Variants in AQP9 observed in about 807,000 individuals in gnomAD.
AQP9 encodes the protein aquaporin-9.
Under a neutral mutation model 23.8 loss-of-function variants are expected in AQP9, and 19 were observed. That is an observed-to-expected ratio of 0.80 (90% CI 0.56 to 1.17). The LOEUF is 1.17. Among genes scored for constraint, AQP9 ranks in the 50% most tolerant of loss-of-function variants. AQP9 has a pLI of 0.00. For missense variants in AQP9, 413 were observed against 362.0 expected, an observed-to-expected ratio of 1.14 and a Z score of -1.14; for synonymous variants, 153 against 131.5, an observed-to-expected ratio of 1.16 and a Z score of -1.12.
At chr15:58,182,516 G>T (rs576724550) in intron 5 of AQP9, among the ~76,000 whole-genome samples, 1 of 152,296 alleles carries the variant, frequency 6.6e-6, no homozygotes, top group South Asian at 2.1e-4. Flanking sequence ...ATGACAGGAA[G>T]AAATTTGCCA....
chr15:58,169,888 C>T (rs1898584359), intron 2 of AQP9, among the ~76,000 whole-genome samples: 1 of 152,126 alleles, frequency 6.6e-6, no homozygotes, highest in African/African-American at 2.4e-5. Flanking sequence ...GACTTGCTTT[C>T]ATTACAAAAT....
In AQP9 at chr15:58,147,076, T is replaced by C. The variant is rs111679400; in HGVS notation, c.111+8400T>C. Among the ~76,000 whole-genome samples, 280 of 152,334 alleles carry C rather than the reference T, an allele frequency of 1.8e-3. 1 individual carries two copies. The highest frequency in any genetic ancestry group is 5.9e-3 in the African/African-American group (244 of 41,572). ...AGGCGCTTGGGAGAAAAGTCCGTTC[T>C]GGATCACTGATCTAAGGGCTGCAGA... On this transcript the variant is annotated intron_variant, in intron 1 of 5. Coordinates refer to ENST00000219919, the MANE Select transcript of AQP9 (RefSeq NM_020980.5).
At chr15:58,167,311 A>G (rs1898531118) in intron 2 of AQP9, among the ~76,000 whole-genome samples, 1 of 152,208 alleles carries the variant, frequency 6.6e-6, no homozygotes, top group Admixed American at 6.5e-5. Flanking sequence ...AGCCATTCAC[A>G]TGGTTCTCAA....
chr15:58,168,210 T>G (rs556620645), intron 2 of AQP9, among the ~76,000 whole-genome samples: 74 of 151,924 alleles, frequency 4.9e-4, no homozygotes, highest in African/African-American at 1.7e-3. Flanking sequence ...TGTATTTTTT[T>G]TGTAGAGACA....
chr15:58,165,827 T>C lies in AQP9; in HGVS notation c.112-846T>C, dbSNP rs549105767. Among the ~76,000 whole-genome samples, 9 of 152,332 alleles carry C rather than the reference T, an allele frequency of 5.9e-5. No individual in the cohort carries two copies. The East Asian group carries it at 1.5e-3, about 26-fold the overall frequency. On this transcript the variant is annotated intron_variant, in intron 1 of 5. Coordinates refer to ENST00000219919, the MANE Select transcript of AQP9 (RefSeq NM_020980.5). ...CTATCATACTTCACTGTGCAACTGT[T>C]TGCAGAATGCTTACTATCAGCACAG...
At chr15:58,173,040 C>G in intron 2 of AQP9, 28 bp from the exon 3 acceptor site, 5 of 1,613,128 alleles carry the variant, frequency 3.1e-6, no homozygotes, top group Non-Finnish European at 4.2e-6. Context: ...CTAACCTGCC[C>G]TCTCACTTCT....
chr15:58,183,801 G>A (rs1898945880), intron 5 of AQP9, among the ~76,000 whole-genome samples, 160 bp from the exon 6 acceptor site: 1 of 152,170 alleles, frequency 6.6e-6, no homozygotes, highest in Non-Finnish European at 1.5e-5. Flanking sequence ...AGTCAAGGAT[G>A]GCAGTTGCCA....
At chr15:58,163,241 T>G (rs746090491) in intron 1 of AQP9, among the ~76,000 whole-genome samples, 1 of 152,188 alleles carries the variant, frequency 6.6e-6, no homozygotes, top group Admixed American at 6.5e-5. Flanking sequence ...ATCTCCTATA[T>G]GGTTTTGTGA....
In AQP9 at chr15:58,184,203, T is replaced by C. The variant is rs1490188636; in HGVS notation, c.*68T>C. The C allele has an allele frequency of 2.0e-5, 30 of 1,526,364 alleles. No homozygotes were observed. The highest frequency in any genetic ancestry group is 2.7e-5 in the Non-Finnish European group (30 of 1,118,144). 94.6% of individuals were successfully genotyped at this position (1,526,364 alleles called of 1,614,324 possible). A position where few individuals can be genotyped will look rare whatever the true frequency, so the allele number is the denominator to read the frequency against. ...TTCAGAAAGATGGCATCTAAGTGTC[T>C]GTGTTCTTGTAAGCCTGAGGTGGAA... On this transcript the variant is annotated 3_prime_UTR_variant, in exon 6 of 6. Coordinates refer to ENST00000219919, the MANE Select transcript of AQP9 (RefSeq NM_020980.5).
intron 1 of AQP9, among the ~76,000 whole-genome samples, chr15:58,150,085 T>C (rs567136040): frequency 2.2e-4 from 33 of 152,240 alleles, no homozygotes; most frequent in African/African-American, 7.2e-4. Flanking sequence ...GCTCCAAAGG[T>C]AAGTGAGACC....
intron 4 of AQP9, among the ~76,000 whole-genome samples, chr15:58,175,283 A>G (rs760483251): frequency 6.6e-6 from 1 of 152,250 alleles, no homozygotes; most frequent in Admixed American, 6.5e-5. Flanking sequence ...TCCAGAAAAG[A>G]GTGAATGACT....
intron 1 of AQP9, among the ~76,000 whole-genome samples, chr15:58,156,787 T>A (rs1308932001): frequency 6.6e-6 from 1 of 152,092 alleles, no homozygotes; most frequent in African/African-American, 2.4e-5. Context: ...AGGGAACAAA[T>A]CTCTAGGTTG....
chr15:58,159,750 A>G (rs1353706985), intron 1 of AQP9, among the ~76,000 whole-genome samples: 2 of 152,168 alleles, frequency 1.3e-5, no homozygotes, highest in African/African-American at 4.8e-5. Context: ...AAGTGAGAAC[A>G]TTTGATGTCT....
At chr15:58,155,580 A>G (rs1159775896) in intron 1 of AQP9, 4 of 152,160 alleles carry the variant, frequency 2.6e-5, no homozygotes, top group African/African-American at 9.7e-5. Flanking sequence ...GGATCTAATA[A>G]CCCTTCAGGG....
chr15:58,170,480 T>C (rs575316307), intron 2 of AQP9, among the ~76,000 whole-genome samples: 2 of 151,648 alleles, frequency 1.3e-5, no homozygotes, highest in African/African-American at 2.4e-5. Flanking sequence ...TCTCAGATCA[T>C]TGCAACCTCC....
chr15:58,166,955 C>T (rs1406305130), intron 2 of AQP9, among the ~76,000 whole-genome samples, 156 bp downstream of exon 2: 5 of 152,186 alleles, frequency 3.3e-5, no homozygotes, highest in African/African-American at 9.7e-5. Flanking sequence ...TTAAAATCAC[C>T]AACCAATGGT....
Position 58,149,035 on chromosome 15 carries a change from T to C in AQP9, c.111+10359T>C, listed in dbSNP as rs540146314. ...TTTAGCCAGAAGATCCAGGTTTCAG[T>C]CTTGGTTCTTTGTGACTGTTTTTGT... On this transcript the variant is annotated intron_variant, in intron 1 of 5. Transcript: ENST00000219919. Among the ~76,000 whole-genome samples the C allele has an allele frequency of 3.9e-5, 6 of 152,316 alleles. No homozygotes were observed. The East Asian group carries it at 1.2e-3, about 29-fold the overall frequency.
At chr15:58,143,896 C>T (rs567341709) in intron 1 of AQP9, among the ~76,000 whole-genome samples, 1 of 152,188 alleles carries the variant, frequency 6.6e-6, no homozygotes, top group Non-Finnish European at 1.5e-5. Flanking sequence ...GCATCCTCAA[C>T]TTTATGTGTA....
At chr15:58,182,426 C>T (rs1461170086) in intron 5 of AQP9, among the ~76,000 whole-genome samples, 2 of 152,088 alleles carry the variant, frequency 1.3e-5, no homozygotes, top group Non-Finnish European at 2.9e-5. Flanking sequence ...TACAACATGT[C>T]CAATCTGATA....
Sources: allele counts gnomAD v4.1 joint callset (sites outside exome capture counted in the v4.1 genomes callset), GRCh38; gene constraint gnomAD v4.1.1; transcripts MANE v1.5; gene names NCBI Gene and HGNC (gene_info 2026-07-23, HGNC 2026-07-21).